The following SOX6 variants were observed in gnomAD, a reference collection of about 807,000 sequenced individuals.
SOX6 encodes the protein transcription factor SOX-6.
Under a neutral mutation model 97.8 loss-of-function variants are expected in SOX6, and 11 were observed. The observed-to-expected ratio is 0.11, with a 90% CI of 0.07 to 0.19. The LOEUF is 0.19. Among genes scored for constraint, SOX6 ranks in the 10% least tolerant of loss-of-function variants. The pLI is 1.00. For missense variants in SOX6, 810 were observed against 1,039.5 expected, an observed-to-expected ratio of 0.78 and a Z score of 3.04; for synonymous variants, 360 against 371.4, an observed-to-expected ratio of 0.97 and a Z score of 0.35.
chr11:16,525,220 GACTTCAA>G (rs1235658249), intron 4 of SOX6, among the ~76,000 whole-genome samples: 1 of 152,144 alleles, frequency 6.6e-6, no homozygotes, highest in Admixed American at 6.6e-5. Flanking sequence ...CACGCTACCT[GACTTCAA>G]ACTATACTAC....
rs1333936032 is a variant in SOX6 at position 15,969,306 on chromosome 11, G to A, written c.*3503C>T. 1.6e-4 allele frequency: 24 copies of A among 152,034 alleles called. No homozygotes were observed. The highest frequency in any genetic ancestry group is 1.2e-3 in the Admixed American group (19 of 15,254). 9.4% of individuals were successfully genotyped at this position (152,034 alleles called of 1,614,324 possible). ...CGGCCGATCTCAGAGGTGGATTTTTGCCTTTGTAGTGGCATTCATGCTTCT... is the reference window on the plus strand; with the variant it reads ...CGGCCGATCTCAGAGGTGGATTTTTACCTTTGTAGTGGCATTCATGCTTCT... On this transcript the variant is annotated 3_prime_UTR_variant, in exon 16 of 16. Coordinates refer to ENST00000683767, the MANE Select transcript of SOX6 (RefSeq NM_001367873.1).
intron 4 of SOX6, among the ~76,000 whole-genome samples, chr11:16,485,083 G>C (rs994068602): frequency 1.3e-5 from 2 of 152,162 alleles, no homozygotes; most frequent in Admixed American, 6.5e-5. Context: ...GGTCAAGAGA[G>C]GAGGAATTAT....
intron 1 of SOX6, among the ~76,000 whole-genome samples, chr11:16,414,367 C>T (rs1418808306): frequency 1.3e-5 from 2 of 152,088 alleles, no homozygotes; most frequent in Non-Finnish European, 2.9e-5. Flanking sequence ...ATAGTAAAAG[C>T]TGGCAGCACA....
At chr11:16,100,003 G>A (rs1848903306) in intron 7 of SOX6, among the ~76,000 whole-genome samples, 1 of 151,714 alleles carries the variant, frequency 6.6e-6, no homozygotes, top group African/African-American at 2.4e-5. Context: ...AGAGAACAAG[G>A]ACAAGGCAGG....
At chr11:16,060,873 T>TA (rs1847931701) in intron 9 of SOX6, among the ~76,000 whole-genome samples, 1 of 151,884 alleles carries the variant, frequency 6.6e-6, no homozygotes, top group South Asian at 2.1e-4. Flanking sequence ...TCTTGCTTGA[T>TA]ACACTGTAAG....
rs145307601 is a variant in SOX6 at position 16,301,297 on chromosome 11, G to A, written c.445+17149C>T. Among the ~76,000 whole-genome samples, 380 of 152,214 alleles carry A rather than the reference G, an allele frequency of 2.5e-3. 9 individuals carry two copies. The East Asian group carries it at 0.035, about 14-fold the overall frequency. ...TTGAACACTTCTTAGACAGTTAACC[G>A]ATCACGAAGATGGCTAAAAATATGT... On this transcript the variant is annotated intron_variant, in intron 3 of 15. Transcript: ENST00000683767.
intron 4 of SOX6, among the ~76,000 whole-genome samples, chr11:16,485,939 A>AGGG (rs1860422003): frequency 4.6e-5 from 1 of 21,680 alleles, no homozygotes; most frequent in African/African-American, 2.3e-4. Flanking sequence ...AGGGGAGGGG[A>AGGG]GAGGAGGGGA....
intron 4 of SOX6, among the ~76,000 whole-genome samples, chr11:16,487,906 C>G (rs1316866384): frequency 6.6e-6 from 1 of 152,138 alleles, no homozygotes; most frequent in Admixed American, 6.5e-5. Context: ...GTTGACACCG[C>G]CTGTTGTGCA....
rs933430447 is a variant in SOX6, at chr11:16,607,962, C to T, written n.609+4119G>A. Among the ~76,000 whole-genome samples, 6 of 151,960 alleles carry T rather than the reference C, an allele frequency of 3.9e-5. No individual in the cohort carries two copies. The highest frequency in any genetic ancestry group is 8.8e-5 in the Non-Finnish European group (6 of 67,998). Reference sequence around the variant, plus strand: ...CCGCAAAGAGAGAGGAGGGCAGAGACATCGGCGAGACCAGAGGTTGGAACT... The same window carrying T: ...CCGCAAAGAGAGAGGAGGGCAGAGATATCGGCGAGACCAGAGGTTGGAACT... On this transcript the variant is annotated intron_variant and non_coding_transcript_variant, in intron 4 of 5. Coordinates refer to the SOX6 transcript ENST00000524520. The surrounding 1 kb of genome is among the most constrained non-coding windows in gnomAD (Gnocchi z 6.5).
At chr11:16,467,557 T>A (rs2133112435) in intron 1 of SOX6, among the ~76,000 whole-genome samples, 1 of 152,286 alleles carries the variant, frequency 6.6e-6, no homozygotes, top group Non-Finnish European at 1.5e-5. Flanking sequence ...ATACCACATA[T>A]TCTTACTTAA....
At chr11:16,339,342 A>T (rs1442545639) in intron 2 of SOX6, among the ~76,000 whole-genome samples, 1 of 152,034 alleles carries the variant, frequency 6.6e-6, no homozygotes, top group Non-Finnish European at 1.5e-5. Context: ...ATCTTATCCT[A>T]TATTGCATCC....
chr11:16,281,881 G>A (rs1033993863), intron 3 of SOX6, among the ~76,000 whole-genome samples: 3 of 150,098 alleles, frequency 2.0e-5, no homozygotes, highest in Non-Finnish European at 3.0e-5. Flanking sequence ...TGAGTTATAC[G>A]AACACACAAA....
At chr11:16,154,879 A>G (rs961250386) in intron 6 of SOX6, among the ~76,000 whole-genome samples, 1 of 152,014 alleles carries the variant, frequency 6.6e-6, no homozygotes, top group African/African-American at 2.4e-5. Context: ...AAATATTTGT[A>G]GTGGGGCAGT....
chr11:16,127,665 A>G (rs936671606), intron 6 of SOX6, among the ~76,000 whole-genome samples: 1 of 152,176 alleles, frequency 6.6e-6, no homozygotes, highest in Non-Finnish European at 1.5e-5. Context: ...TCATCATCAT[A>G]AAACTGGAAA....
intron 3 of SOX6, among the ~76,000 whole-genome samples, chr11:16,651,005 T>C (rs1208108563): frequency 6.6e-6 from 1 of 151,864 alleles, no homozygotes; most frequent in East Asian, 1.9e-4. Flanking sequence ...ACCTTATGCA[T>C]ACAAACCAGA....
rs1290607071 is a variant in SOX6, at chr11:16,524,158, G to A, written n.610-47770C>T. Among the ~76,000 whole-genome samples, 5 of 152,020 alleles carry A rather than the reference G, an allele frequency of 3.3e-5. No homozygotes were observed. In the East Asian group the frequency reaches 5.8e-4, roughly 18 times the overall value. On this transcript the variant is annotated intron_variant and non_coding_transcript_variant, in intron 4 of 5. Coordinates refer to the SOX6 transcript ENST00000524520. ...ACAGCATCATCCTGATACCAAAGTC[G>A]GGCAGAGACACAAACAAAAAAGAGA...
Position 15,967,917 on chromosome 11 carries a change from C to T in SOX6, c.*4892G>A, listed in dbSNP as rs1485123530. 1 of 150,146 alleles carries T rather than the reference C, an allele frequency of 6.7e-6. No homozygotes were observed. The highest frequency in any genetic ancestry group is 6.6e-5 in the Admixed American group (1 of 15,078). The allele number at this position is 150,146 out of a possible 1,614,324, so 9.3% of individuals were successfully genotyped here. A position where few individuals can be genotyped will look rare whatever the true frequency, so the allele number is the denominator to read the frequency against. On this transcript the variant is annotated 3_prime_UTR_variant, in exon 16 of 16. Transcript: ENST00000683767. The stretch of plus-strand genomic sequence containing the variant: ...CACCCCGCCCACCCTTACCTCTGCC[C>T]CAAAGGTACCAGCATTCCAAATATT...
intron 1 of SOX6, among the ~76,000 whole-genome samples, chr11:16,411,591 C>CTT (rs1196240894): frequency 1.3e-5 from 2 of 152,142 alleles, no homozygotes; most frequent in South Asian, 2.1e-4. Context: ...CCAGCCTGTG[C>CTT]TTAAGAGAGA....
intron 4 of SOX6, among the ~76,000 whole-genome samples, chr11:16,229,501 G>A (rs1852786106): frequency 6.6e-6 from 1 of 151,936 alleles, no homozygotes; most frequent in South Asian, 2.1e-4. Context: ...ATTATTGGGG[G>A]AGGTAGAGCA....
Sources: allele counts gnomAD v4.1 joint callset (sites outside exome capture counted in the v4.1 genomes callset), GRCh38; gene constraint gnomAD v4.1.1; non-coding constraint Gnocchi (gnomAD v3.1); transcripts MANE v1.5; gene names NCBI Gene and HGNC (gene_info 2026-07-23, HGNC 2026-07-21).